Variants in RP1L1 observed in about 807,000 individuals in gnomAD.
The protein encoded by RP1L1 is RP1 like 1.
A neutral mutation model predicts 15.7 loss-of-function variants in RP1L1; 27 were observed. The ratio of observed to expected loss-of-function variants is 1.72; its 90% CI spans 1.27 to 2.38. The LOEUF (loss-of-function observed/expected upper bound fraction) is 2.38, where lower values mean the gene tolerates loss of function less well. Ranked by LOEUF, RP1L1 falls within the 30% of genes most tolerant of loss-of-function variation. The pLI, the probability that RP1L1 is intolerant of heterozygous loss-of-function variation, is 0.00. For missense variants in RP1L1, 4,798 were observed against 3,075.9 expected (o/e 1.56, Z -13.24); for synonymous variants, 1,813 against 1,276.7 (o/e 1.42, Z -8.96).
In RP1L1 at chr8:10,610,846, C is replaced by G. The variant is rs761517906; in HGVS notation, c.3252G>C (p.Gln1084His). ...ALPGRVSAST[Q>H]IMRALMGSKQ... ...TGGAGCCCATCAGCGCCCTCATGAT[C>G]TGCGTGGAGGCAGACACCCGGCCAG... Residue 1084 changes from glutamine (Q) to histidine (H), a missense_variant, in exon 4 of 4, where the codon CAG (glutamine) becomes CAC (histidine). By Grantham distance (24) the Gln-to-His change is conservative. Coordinates refer to ENST00000382483, the MANE Select transcript of RP1L1 (RefSeq NM_178857.6). 1 of 1,608,066 alleles carries G rather than the reference C, an allele frequency of 6.2e-7. No homozygotes were observed.
chr8:10,649,982 C>T (rs1163607738), intron 1 of RP1L1, among the ~76,000 whole-genome samples: 1 of 152,176 alleles, frequency 6.6e-6, no homozygotes, highest in Non-Finnish European at 1.5e-5. Context: ...TGAATATGAG[C>T]TGGCCTAAGT....
intron 1 of RP1L1, among the ~76,000 whole-genome samples, chr8:10,651,188 C>G (rs1422608248): frequency 6.6e-6 from 1 of 152,172 alleles, no homozygotes; most frequent in Non-Finnish European, 1.5e-5. Context: ...CAGTGTAGGT[C>G]TTGGGCCTGC....
rs527795802 is a variant in RP1L1 at position 10,618,697 on chromosome 8, T to C, written c.610-2110A>G. Reference sequence around the variant, plus strand: ...ACAGAACCAGACCCTGTCTCAAACATTAATAATAGTAATTAATAAATTAAT... The same window carrying C: ...ACAGAACCAGACCCTGTCTCAAACACTAATAATAGTAATTAATAAATTAAT... On this transcript the variant is annotated intron_variant, in intron 2 of 3. Coordinates refer to ENST00000382483, the MANE Select transcript of RP1L1 (RefSeq NM_178857.6). 2.6e-5 allele frequency among the ~76,000 whole-genome samples: 4 copies of C among 152,254 alleles called. No homozygotes were observed. In the East Asian group the frequency reaches 7.7e-4, roughly 29 times the overall value.
At chr8:10,626,008 G>A (rs1034662336) in intron 1 of RP1L1, among the ~76,000 whole-genome samples, 1 of 152,094 alleles carries the variant, frequency 6.6e-6, no homozygotes, top group Non-Finnish European at 1.5e-5. Flanking sequence ...GTGTGGGAGG[G>A]GGTAGACGGA....
chr8:10,631,911 T>C lies in RP1L1; in HGVS notation c.-19-8691A>G, dbSNP rs372740160. Among the ~76,000 whole-genome samples, 87 of 152,352 alleles carry C rather than the reference T, an allele frequency of 5.7e-4. 3 individuals are homozygous for C. In the South Asian group the frequency reaches 0.017, roughly 29 times the overall value. ...ACGGGGCGGATTTGGAGTCAGGCCA[T>C]GGACGTGAGTGAATCACTCCCAGAC... is the stretch of plus-strand genomic sequence containing the variant. On this transcript the variant is annotated intron_variant, in intron 1 of 3. Coordinates refer to ENST00000382483, the MANE Select transcript of RP1L1 (RefSeq NM_178857.6).
At chr8:10,620,763 G>A (rs1416384904) in intron 2 of RP1L1, among the ~76,000 whole-genome samples, 1 of 152,130 alleles carries the variant, frequency 6.6e-6, no homozygotes, top group African/African-American at 2.4e-5. Context: ...GGGGAAATAG[G>A]GCTACTATTA....
rs186517479 is a variant in RP1L1, at chr8:10,610,319, G to C, written c.3779C>G (p.Thr1260Ser). The change falls in exon 4 of 4, where the codon ACC becomes AGC. Residue 1260 changes from threonine (T) to serine (S), a missense_variant. Physicochemically the swap from Thr to Ser is moderately conservative, Grantham distance 58 (BLOSUM62 1). Transcript: ENST00000382483. ...AGCGCAGGCTCGGGCGTTCAAGAAG[G>C]TTGGGAAACAACACTGCTGTTGGTT... Reference protein sequence around the residue: ...LENQQQCCFPTFLNARACACA... With the variant: ...LENQQQCCFPSFLNARACACA... 10 of 1,614,100 alleles carry C rather than the reference G, an allele frequency of 6.2e-6. No homozygotes were observed. The highest frequency in any genetic ancestry group is 1.1e-5 in the South Asian group (1 of 91,086).
At chr8:10,643,977 A>T (rs1183713218) in intron 1 of RP1L1, among the ~76,000 whole-genome samples, 1 of 151,860 alleles carries the variant, frequency 6.6e-6, no homozygotes. Flanking sequence ...GGAAGTTGGG[A>T]GGTGCTCAAG....
intron 1 of RP1L1, among the ~76,000 whole-genome samples, chr8:10,651,563 C>T (rs1798562522): frequency 6.6e-6 from 1 of 152,026 alleles, no homozygotes; most frequent in South Asian, 2.1e-4. Context: ...CCCATCTCTA[C>T]TAAAAATACA....
chr8:10,619,377 A>T (rs1203291488), intron 2 of RP1L1, among the ~76,000 whole-genome samples: 1 of 152,236 alleles, frequency 6.6e-6, no homozygotes, highest in Non-Finnish European at 1.5e-5. Context: ...TGCCACTGAG[A>T]CATCAAAAGA....
chr8:10,619,807 A>G lies in RP1L1; in HGVS notation c.609+2786T>C, dbSNP rs117477107. Among the ~76,000 whole-genome samples the G allele has an allele frequency of 3.3e-5, 5 of 152,058 alleles. No homozygotes were observed. In the East Asian group the frequency reaches 9.7e-4, roughly 29 times the overall value. Reference sequence around the variant, plus strand: ...CCAAAACAAACAACAACAACAAAAAAACATTAGCTGGGCATGGTGGCAGGC... The same window carrying G: ...CCAAAACAAACAACAACAACAAAAAGACATTAGCTGGGCATGGTGGCAGGC... On this transcript the variant is annotated intron_variant, in intron 2 of 3. Coordinates refer to ENST00000382483, the MANE Select transcript of RP1L1 (RefSeq NM_178857.6).
chr8:10,645,616 C>T (rs540953666), intron 1 of RP1L1, among the ~76,000 whole-genome samples: 4 of 152,088 alleles, frequency 2.6e-5, no homozygotes, highest in Non-Finnish European at 5.9e-5. Flanking sequence ...AGCCAGGCTG[C>T]GGAATCACTG....
rs1309064650 is a variant in RP1L1 at position 10,637,962 on chromosome 8, GC to G, written c.-19-14743del. Among the ~76,000 whole-genome samples, 11 of 152,328 alleles carry G rather than the reference GC, an allele frequency of 7.2e-5. No homozygotes were observed. The East Asian group carries it at 2.1e-3, about 29-fold the overall frequency. On this transcript the variant is annotated intron_variant, in intron 1 of 3. Transcript: ENST00000382483. Reference sequence around the variant, plus strand: ...CCACCCTCCTGCCTGCAGCCCCAGGGCTGGGTCCCCTTTGCAACAAGAATAG... The same window carrying G: ...CCACCCTCCTGCCTGCAGCCCCAGGGTGGGTCCCCTTTGCAACAAGAATAG...
At chr8:10,649,165 G>C (rs576017039) in intron 1 of RP1L1, among the ~76,000 whole-genome samples, 2 of 152,336 alleles carry the variant, frequency 1.3e-5, no homozygotes, top group South Asian at 4.1e-4. Context: ...AGGAGGAAGC[G>C]TGAGATTCAA....
intron 2 of RP1L1, among the ~76,000 whole-genome samples, chr8:10,622,172 T>G (rs935584946): frequency 1.3e-5 from 2 of 151,320 alleles, no homozygotes; most frequent in African/African-American, 4.9e-5. Context: ...AACTAGAAAA[T>G]TAGCTGGGCA....
chr8:10,624,078 C>G (rs1404082380), intron 1 of RP1L1, among the ~76,000 whole-genome samples: 1 of 152,208 alleles, frequency 6.6e-6, no homozygotes, highest in African/African-American at 2.4e-5. Flanking sequence ...TATCTTGCAG[C>G]CATGGGGAAG....
chr8:10,608,169 C>T lies in RP1L1; in HGVS notation c.5929G>A (p.Val1977Ile), dbSNP rs534151176. Residue 1977 changes from valine to isoleucine, a missense_variant, in exon 4 of 4, where the codon GTA (valine) becomes ATA (isoleucine). Transcript: ENST00000382483. ...EEEAQPESED[V>I]EALEVEVETQ... ...TCCACTTCAACCTCCAGGGCCTCTA[C>T]ATCTTCTGACTCTGGCTGGGCTTCC... 30 of 1,612,618 alleles carry T rather than the reference C, an allele frequency of 1.9e-5. No homozygotes were observed. The highest frequency in any genetic ancestry group is 2.7e-5 in the African/African-American group (2 of 74,378).
In RP1L1 at chr8:10,642,058, A is replaced by T. The variant is rs115740695; in HGVS notation, c.-20+12840T>A. Reference sequence around the variant, plus strand: ...TGTCTTGGTGGTGATATTGTACTATAGTTTTACAAGACGTTACCACTGGGG... The same window carrying T: ...TGTCTTGGTGGTGATATTGTACTATTGTTTTACAAGACGTTACCACTGGGG... On this transcript the variant is annotated intron_variant, in intron 1 of 3. Transcript: ENST00000382483. 1.3e-3 allele frequency among the ~76,000 whole-genome samples: 201 copies of T among 152,304 alleles called. 2 individuals are homozygous for T. Among genetic ancestry groups the T allele is most frequent in the African/African-American group, 3.5e-3 (145 of 41,560 alleles).
chr8:10,608,416 C>A lies in RP1L1; in HGVS notation c.5682G>T (p.Glu1894Asp), dbSNP rs370532304. 9 of 1,606,162 alleles carry A rather than the reference C, an allele frequency of 5.6e-6. No homozygotes were observed. In the African/African-American group the frequency reaches 6.7e-5, roughly 12 times the overall value. The change falls in exon 4 of 4, where the codon GAG (glutamate) becomes GAT (aspartate). Residue 1894 changes from glutamate to aspartate, a missense_variant. Coordinates refer to ENST00000382483, the MANE Select transcript of RP1L1 (RefSeq NM_178857.6). ...ACTCTGGCTGGACCTCCCATTCTGC[C>A]TCTGGGGTCTCTACATCTTCTGACT... ...QPESEDVETP[E>D]AEWEVQPESE...
Sources: gnomAD v4.1 joint callset for allele counts (sites outside exome capture counted in the v4.1 genomes callset) on GRCh38, gnomAD v4.1.1 for gene constraint, MANE v1.5 for transcripts, NCBI Gene and HGNC (gene_info 2026-07-23, HGNC 2026-07-21) for gene names.